The following SDK1 variants were observed in gnomAD, a reference collection of about 807,000 sequenced individuals.
SDK1 encodes the protein protein sidekick-1.
SDK1 carries 157 observed loss-of-function variants against 245.5 expected under a neutral mutation model. The observed-to-expected ratio is 0.64, with a 90% confidence interval of 0.56 to 0.73. The LOEUF is 0.73. Ranked by LOEUF, SDK1 falls within the 30% of genes least tolerant of loss-of-function variation. The pLI is 0.00. For synonymous variants in SDK1, 1,647 were observed against 1,278.5 expected (o/e 1.29, Z -6.15); for missense variants, 3,583 against 3,002.3 (o/e 1.19, Z -4.52).
intron 14 of SDK1, among the ~76,000 whole-genome samples, chr7:3,994,208 A>G (rs1337756917): frequency 6.6e-6 from 1 of 152,136 alleles, no homozygotes; most frequent in East Asian, 1.9e-4. Flanking sequence ...TTTCTAACCT[A>G]GACCTCTCTG....
intron 4 of SDK1, among the ~76,000 whole-genome samples, chr7:3,780,942 G>A (rs912556305): frequency 1.3e-5 from 2 of 151,996 alleles, no homozygotes; most frequent in African/African-American, 4.8e-5. Context: ...GTTCCACTCA[G>A]CCCAAAAGCC....
chr7:3,325,961 A>G (rs1235178963), intron 1 of SDK1, among the ~76,000 whole-genome samples: 1 of 152,048 alleles, frequency 6.6e-6, no homozygotes, highest in East Asian at 1.9e-4. Context: ...TCCAGGGTAC[A>G]CTCTCATAGG....
chr7:3,699,103 G>A (rs906631499), intron 4 of SDK1, among the ~76,000 whole-genome samples: 10 of 152,184 alleles, frequency 6.6e-5, no homozygotes, highest in African/African-American at 2.4e-4. Context: ...ATGAAGGGCG[G>A]CACTTCTCTT....
rs114540998 is a variant in SDK1 at position 3,596,841 on chromosome 7, A to C, written c.299-22239A>C. On this transcript the variant is annotated intron_variant, in intron 1 of 44. Coordinates refer to ENST00000404826, the MANE Select transcript of SDK1 (RefSeq NM_152744.4). ...ACATCATCAGATAACACTTATGAAC[A>C]GAAAAAGGAAAGCACCATAAAAGAT... Among the ~76,000 whole-genome samples, 980 of 152,320 alleles carry C rather than the reference A, an allele frequency of 6.4e-3. 14 individuals carry two copies. The highest frequency in any genetic ancestry group is 0.022 in the African/African-American group (921 of 41,574).
intron 4 of SDK1, among the ~76,000 whole-genome samples, chr7:3,678,227 C>T (rs1187920536): frequency 6.6e-6 from 1 of 152,146 alleles, no homozygotes; most frequent in African/African-American, 2.4e-5. Flanking sequence ...GTTGGTTGCT[C>T]AGAAAGTTAA....
chr7:3,592,739 T>G (rs1404728039), intron 1 of SDK1, among the ~76,000 whole-genome samples: 1 of 152,160 alleles, frequency 6.6e-6, no homozygotes, highest in African/African-American at 2.4e-5. Context: ...ATGTCACCGC[T>G]TTATATAAAG....
chr7:4,006,637 A>T (rs1170318937), intron 14 of SDK1, among the ~76,000 whole-genome samples: 2 of 152,196 alleles, frequency 1.3e-5, no homozygotes, highest in African/African-American at 2.4e-5. Flanking sequence ...CCAGAGATGG[A>T]TCAGTTCATT....
intron 5 of SDK1, among the ~76,000 whole-genome samples, chr7:3,838,014 A>T (rs1400787047): frequency 1.3e-5 from 2 of 152,170 alleles, no homozygotes; most frequent in East Asian, 3.9e-4. Flanking sequence ...TATGAGCAGG[A>T]TACCTCCCTG....
At chr7:3,598,126 C>G (rs1354665765) in intron 1 of SDK1, among the ~76,000 whole-genome samples, 1 of 152,180 alleles carries the variant, frequency 6.6e-6, no homozygotes, top group Non-Finnish European at 1.5e-5. Context: ...AATTTAGCCA[C>G]TTATAGTTTC....
intron 4 of SDK1, among the ~76,000 whole-genome samples, chr7:3,803,745 CTTTT>C (rs60802259): frequency 8.3e-6 from 1 of 119,980 alleles, no homozygotes. Flanking sequence ...GTATTTTCCT[CTTTT>C]TTTTTTTTTT....
At chr7:3,317,723 C>T (rs1401947964) in intron 1 of SDK1, among the ~76,000 whole-genome samples, 2 of 152,150 alleles carry the variant, frequency 1.3e-5, no homozygotes, top group African/African-American at 4.8e-5. Flanking sequence ...AGGATATGAG[C>T]ATTGTTGACA....
At chr7:3,851,540 G>A (rs573236102) in intron 5 of SDK1, among the ~76,000 whole-genome samples, 1 of 151,890 alleles carries the variant, frequency 6.6e-6, no homozygotes, top group East Asian at 1.9e-4. Context: ...AGTCTCAAGG[G>A]AATAATAATT....
chr7:3,314,083 C>T (rs1333413569), intron 1 of SDK1, among the ~76,000 whole-genome samples: 1 of 152,140 alleles, frequency 6.6e-6, no homozygotes. Flanking sequence ...CGCCAATGTG[C>T]AGATGACCCT....
rs548624579 is a variant in SDK1, at chr7:3,759,420, G to A, written c.714-62030G>A. On this transcript the variant is annotated intron_variant, in intron 4 of 44. Coordinates refer to ENST00000404826, the MANE Select transcript of SDK1 (RefSeq NM_152744.4). ...ATGTCCTATAAGAAAAAAAGTAGCT[G>A]TGCATCCTGATGCATGACTTTAAAG... Among the ~76,000 whole-genome samples the A allele has an allele frequency of 2.0e-5, 3 of 152,176 alleles. No individual in the cohort carries two copies. In the East Asian group the frequency reaches 5.8e-4, roughly 29 times the overall value.
intron 44 of SDK1, among the ~76,000 whole-genome samples, chr7:4,246,143 A>T (rs568739169): frequency 6.6e-6 from 1 of 152,284 alleles, no homozygotes; most frequent in African/African-American, 2.4e-5. Context: ...AGGCTGATTG[A>T]TGGAAGCGCA....
chr7:3,526,504 T>G (rs891174606), intron 1 of SDK1, among the ~76,000 whole-genome samples: 9 of 152,234 alleles, frequency 5.9e-5, no homozygotes, highest in African/African-American at 2.2e-4. Flanking sequence ...AATCTGAGTA[T>G]ATATCTTATG....
At chr7:3,964,467 T>C (rs1781939229) in intron 9 of SDK1, among the ~76,000 whole-genome samples, 1 of 152,220 alleles carries the variant, frequency 6.6e-6, no homozygotes, top group Admixed American at 6.5e-5. Context: ...TTTTTTCCTA[T>C]TTTTTACATT....
intron 1 of SDK1, among the ~76,000 whole-genome samples, chr7:3,571,809 C>T (rs1051745504): frequency 3.3e-5 from 5 of 151,990 alleles, no homozygotes; most frequent in Admixed American, 6.5e-5. Flanking sequence ...TGAGTTATGA[C>T]GAAGTGTCTA....
intron 1 of SDK1, among the ~76,000 whole-genome samples, chr7:3,533,794 C>T (rs2128618571): frequency 6.6e-6 from 1 of 152,120 alleles, no homozygotes; most frequent in South Asian, 2.1e-4. Flanking sequence ...CCCCCCATTC[C>T]TTGTTTCACG....
Sources: gnomAD v4.1 joint callset for allele counts (sites outside exome capture counted in the v4.1 genomes callset) on GRCh38, gnomAD v4.1.1 for gene constraint, MANE v1.5 for transcripts, NCBI Gene and HGNC (gene_info 2026-07-23, HGNC 2026-07-21) for gene names.